Variants in GALNT18 observed in about 807,000 individuals in gnomAD.
GALNT18 encodes the protein GalNAc-transferase 18.
GALNT18 carries 44 observed loss-of-function variants against 69.5 expected under a neutral mutation model. The observed-to-expected ratio is 0.63, with a 90% CI of 0.50 to 0.81. The LOEUF (loss-of-function observed/expected upper bound fraction) is 0.81. GALNT18 is among the 40% of genes least tolerant of loss of function. GALNT18 has a pLI of 0.00. For synonymous variants in GALNT18, 364 were observed against 318.2 expected (o/e 1.14, Z -1.53); for missense variants, 715 against 810.0 (o/e 0.88, Z 1.42).
chr11:11,282,459 C>T, intron 10 of GALNT18, among the ~76,000 whole-genome samples: 1 of 152,216 alleles, frequency 6.6e-6, no homozygotes, highest in Non-Finnish European at 1.5e-5. Context: ...ATTTTACAGG[C>T]TTGGAGACTG....
rs1033761549 is a variant in GALNT18, at chr11:11,546,280, T to C, written c.235+75079A>G. On this transcript the variant is annotated intron_variant, in intron 1 of 10. Coordinates refer to ENST00000227756, the MANE Select transcript of GALNT18 (RefSeq NM_198516.3). This position sits in a 1 kb window ranked among gnomAD's most constrained non-coding sequence, Gnocchi z 5.8. Reference sequence around the variant, plus strand: ...GACACCCACTCCACCTCCACACCCCTGTCAACCCAGCCAGGACCTGAGGCC... The same window carrying C: ...GACACCCACTCCACCTCCACACCCCCGTCAACCCAGCCAGGACCTGAGGCC... 6.6e-6 allele frequency among the ~76,000 whole-genome samples: 1 copy of C among 152,150 alleles called. No homozygotes were observed. The highest frequency in any genetic ancestry group is 1.5e-5 in the Non-Finnish European group (1 of 68,016).
chr11:11,553,998 C>T (rs1194181957), intron 1 of GALNT18, among the ~76,000 whole-genome samples: 2 of 152,196 alleles, frequency 1.3e-5, no homozygotes, highest in Non-Finnish European at 2.9e-5. Context: ...TCCCCTTCTG[C>T]ACTGCTGGCC....
intron 9 of GALNT18, among the ~76,000 whole-genome samples, chr11:11,316,403 G>A (rs1849754863): frequency 6.6e-6 from 1 of 152,146 alleles, no homozygotes. Context: ...GAAAGATATG[G>A]GGGTGCAAGC....
intron 1 of GALNT18, among the ~76,000 whole-genome samples, chr11:11,490,230 CTCTA>C (rs1241487793): frequency 0.015 from 742 of 48,728 alleles, 6 homozygotes; most frequent in South Asian, 0.034. Context: ...CTCTCTCTCT[CTCTA>C]ACACACACAC....
At position 11,555,822 on chromosome 11, in the gene GALNT18, C is replaced by T. The variant is rs1450291307; in HGVS notation, c.235+65537G>A. Among the ~76,000 whole-genome samples, 1 of 152,204 alleles carries T rather than the reference C, an allele frequency of 6.6e-6. No homozygotes were observed. The highest frequency in any genetic ancestry group is 1.5e-5 in the Non-Finnish European group (1 of 68,032). ...GGCTGGGGATGCATCTCTACCAGACCAAGTGGACTCTGTCTCAAAGACATG... is the reference window on the plus strand; with the variant it reads ...GGCTGGGGATGCATCTCTACCAGACTAAGTGGACTCTGTCTCAAAGACATG... On this transcript the variant is annotated intron_variant, in intron 1 of 10. Coordinates refer to ENST00000227756, the MANE Select transcript of GALNT18 (RefSeq NM_198516.3). The surrounding 1 kb of genome is among the most constrained non-coding windows in gnomAD (Gnocchi z 4.7).
chr11:11,286,528 G>A (rs767608715), intron 10 of GALNT18, among the ~76,000 whole-genome samples: 3 of 152,112 alleles, frequency 2.0e-5, no homozygotes, highest in Non-Finnish European at 2.9e-5. Flanking sequence ...ATGCATCCGA[G>A]GACGGTCATT....
Position 11,563,364 on chromosome 11 carries a change from G to A in GALNT18, c.235+57995C>T, listed in dbSNP as rs1391079601. 2.6e-5 allele frequency among the ~76,000 whole-genome samples: 4 copies of A among 152,320 alleles called. No homozygotes were observed. Among genetic ancestry groups the A allele is most frequent in the African/African-American group, 9.6e-5 (4 of 41,566 alleles). ...AAGGCTTGTTGGTAGAGGAACAGCC[G>A]AGATCTGGACAGACAGGGTCTGCTG... On this transcript the variant is annotated intron_variant, in intron 1 of 10. Coordinates refer to ENST00000227756, the MANE Select transcript of GALNT18 (RefSeq NM_198516.3). This position sits in a 1 kb window ranked among gnomAD's most constrained non-coding sequence, Gnocchi z 4.6.
intron 8 of GALNT18, among the ~76,000 whole-genome samples, chr11:11,328,971 C>G (rs554725570): frequency 2.8e-4 from 43 of 152,160 alleles, no homozygotes; most frequent in African/African-American, 1.0e-3. Context: ...CTCCCTGGCT[C>G]TGTGCCATTC....
chr11:11,530,854 C>T (rs1302929343), intron 1 of GALNT18, among the ~76,000 whole-genome samples: 17 of 152,206 alleles, frequency 1.1e-4, no homozygotes, highest in Non-Finnish European at 5.9e-5. Context: ...CACTTCCTGG[C>T]AAAAGTCCTA....
chr11:11,275,886 G>A lies in GALNT18; in HGVS notation c.1678-4596C>T, dbSNP rs141664378. Among the ~76,000 whole-genome samples, 86 of 152,220 alleles carry A rather than the reference G, an allele frequency of 5.6e-4. 1 individual carries two copies. The highest frequency in any genetic ancestry group is 1.8e-3 in the African/African-American group (76 of 41,544). On this transcript the variant is annotated intron_variant, in intron 10 of 10. Transcript: ENST00000227756. ...CTGAGGGCTCTGTTCTGTTCCATTGGTCTATCTCTCTGTTTTGGTACCAGT... is the reference window on the plus strand; with the variant it reads ...CTGAGGGCTCTGTTCTGTTCCATTGATCTATCTCTCTGTTTTGGTACCAGT...
rs1453797325 is a variant in GALNT18, at chr11:11,496,608, G to A, written c.236-47672C>T. On this transcript the variant is annotated intron_variant, in intron 1 of 10. Transcript: ENST00000227756. This position sits in a 1 kb window ranked among gnomAD's most constrained non-coding sequence, Gnocchi z 4.0. ...TCAACATCACAGAGAAGTAGATGAA[G>A]GGCTACCACACAGAGGGTGGGAAGA... Among the ~76,000 whole-genome samples, 3 of 152,100 alleles carry A rather than the reference G, an allele frequency of 2.0e-5. No individual in the cohort carries two copies. Among genetic ancestry groups the A allele is most frequent in the Non-Finnish European group, 4.4e-5 (3 of 68,018 alleles).
chr11:11,448,478 G>A (rs1855710249), intron 2 of GALNT18, among the ~76,000 whole-genome samples: 1 of 152,226 alleles, frequency 6.6e-6, no homozygotes, highest in African/African-American at 2.4e-5. Flanking sequence ...TGAGATGATT[G>A]TAGTGTCCTT....
chr11:11,397,813 A>G (rs1254608368), intron 3 of GALNT18, among the ~76,000 whole-genome samples: 3 of 152,192 alleles, frequency 2.0e-5, no homozygotes, highest in Non-Finnish European at 2.9e-5. Flanking sequence ...AAGAAAATAG[A>G]AAGGAGATTC....
Position 11,318,560 on chromosome 11 carries a change from T to C in GALNT18, c.1512+8526A>G, listed in dbSNP as rs748207388. Among the ~76,000 whole-genome samples the C allele has an allele frequency of 1.3e-5, 2 of 152,174 alleles. No homozygotes were observed. The highest frequency in any genetic ancestry group is 2.4e-5 in the African/African-American group (1 of 41,434). On this transcript the variant is annotated intron_variant, in intron 9 of 10. Transcript: ENST00000227756. This position sits in a 1 kb window ranked among gnomAD's most constrained non-coding sequence, Gnocchi z 5.1. ...GATCTCGAACTTCTAGGCTTCAGAA[T>C]TGTGAGACAGTAATTTTCTGTCGTT...
chr11:11,547,356 G>T, intron 1 of GALNT18, among the ~76,000 whole-genome samples: 1 of 152,132 alleles, frequency 6.6e-6, no homozygotes, highest in East Asian at 1.9e-4. Flanking sequence ...CTCAGGTAAG[G>T]CCCCTAGACA....
chr11:11,279,523 T>C (rs1849021889), intron 10 of GALNT18, among the ~76,000 whole-genome samples: 1 of 152,130 alleles, frequency 6.6e-6, no homozygotes, highest in Middle Eastern at 3.2e-3. Context: ...CGTCCATCAA[T>C]AGTACAGCAG....
rs774084181 is a variant in GALNT18, at chr11:11,617,292, T to C, written c.235+4067A>G. On this transcript the variant is annotated intron_variant, in intron 1 of 10. Coordinates refer to ENST00000227756, the MANE Select transcript of GALNT18 (RefSeq NM_198516.3). This position sits in a 1 kb window ranked among gnomAD's most constrained non-coding sequence, Gnocchi z 4.7. ...TAACTCAAGCCCTGACCACGTTGAC[T>C]AAAAGGGATTCTTTGTCCTTTGAAA... Among the ~76,000 whole-genome samples the C allele has an allele frequency of 4.6e-5, 7 of 152,230 alleles. No homozygotes were observed. The highest frequency in any genetic ancestry group is 3.2e-3 in the Middle Eastern group (1 of 316).
chr11:11,554,803 A>C (rs1204654099), intron 1 of GALNT18, among the ~76,000 whole-genome samples: 4 of 152,088 alleles, frequency 2.6e-5, no homozygotes, highest in African/African-American at 9.7e-5. Context: ...TACTTATGGA[A>C]AGTGTCAGGG....
chr11:11,291,978 T>A (rs1327640856), intron 10 of GALNT18, among the ~76,000 whole-genome samples: 2 of 152,150 alleles, frequency 1.3e-5, no homozygotes, highest in Admixed American at 6.5e-5. Flanking sequence ...ATGCCAGGAT[T>A]GGAATCAAGG....
Sources: gnomAD v4.1 joint callset for allele counts (sites outside exome capture counted in the v4.1 genomes callset) on GRCh38, gnomAD v4.1.1 for gene constraint, Gnocchi (gnomAD v3.1) non-coding constraint, MANE v1.5 for transcripts, NCBI Gene and HGNC (gene_info 2026-07-23, HGNC 2026-07-21) for gene names.